The following MTARC2 variants were observed in gnomAD, a reference collection of about 807,000 sequenced individuals.
MTARC2 encodes MOCO sulphurase C-terminal domain containing 2.
MTARC2 carries 27 observed loss-of-function variants against 35.6 expected under a neutral mutation model. The ratio of observed to expected loss-of-function variants is 0.76; its 90% CI spans 0.56 to 1.04. The LOEUF is 1.04. Ranked by LOEUF, MTARC2 falls within the 50% of genes least tolerant of loss-of-function variation. MTARC2 has a pLI of 0.00. For synonymous variants in MTARC2, 158 were observed against 167.1 expected (o/e 0.95, Z 0.42); for missense variants, 412 against 432.5 (o/e 0.95, Z 0.42).
intron 2 of MTARC2, among the ~76,000 whole-genome samples, chr1:220,757,561 A>G (rs984043944): frequency 5.3e-5 from 8 of 152,210 alleles, no homozygotes; most frequent in Admixed American, 3.3e-4. Flanking sequence ...TGGGAAGTCT[A>G]AGATCGAGGT....
chr1:220,757,264 T>C (rs1671305550), intron 2 of MTARC2, among the ~76,000 whole-genome samples: 1 of 152,196 alleles, frequency 6.6e-6, no homozygotes, highest in South Asian at 2.1e-4. Flanking sequence ...GAGGTGGGAA[T>C]AGAGAGCCTG....
Position 220,762,958 on chromosome 1 carries a change from C to G in MTARC2, c.658C>G (p.Leu220Val). The change falls in exon 4 of 8, where the codon CTG becomes GTG. Residue 220 changes from leucine (L) to valine (V), a missense_variant. Leu to Val is a conservative substitution (Grantham distance 32). Transcript: ENST00000366913. ...GCTCCTGATCATGACAGATGCCTCC[C>G]TGGTAGATTTGAATACCAGGATGGA... ...CPLLIMTDAS[L>V]VDLNTRMEKK... The G allele has an allele frequency of 6.2e-7, 1 of 1,614,122 alleles. No individual in the cohort carries two copies. The highest frequency in any genetic ancestry group is 1.1e-5 in the South Asian group (1 of 91,064).
intron 4 of MTARC2, 160 bp from the exon 5 acceptor site, chr1:220,779,858 T>C: frequency 3.9e-6 from 2 of 514,970 alleles, no homozygotes; most frequent in Non-Finnish European, 6.6e-6. Flanking sequence ...CTTGCCAGCA[T>C]TCTGCCTCCC....
At chr1:220,762,339 A>G (rs1671461723) in intron 3 of MTARC2, among the ~76,000 whole-genome samples, 1 of 152,184 alleles carries the variant, frequency 6.6e-6, no homozygotes, top group Non-Finnish European at 1.5e-5. Context: ...GCCGACATGT[A>G]CGATGGTTTA....
At chr1:220,773,753 CAAA>C (rs924976581) in intron 4 of MTARC2, among the ~76,000 whole-genome samples, 1 of 151,688 alleles carries the variant, frequency 6.6e-6, no homozygotes, top group Admixed American at 6.6e-5. Flanking sequence ...ACTATCTAGA[CAAA>C]AATTATTTTT....
In MTARC2 at chr1:220,755,026, T is replaced by C; in HGVS notation, c.352T>C (p.Tyr118His). ...TCGCCTCGTGCTCATCTCCATCATT[T>C]ATGAGAATAACTGCCTGATCTTCAG... Reference protein sequence around the residue: ...EPRLVLISIIYENNCLIFRAP... With the variant: ...EPRLVLISIIHENNCLIFRAP... Residue 118 changes from tyrosine to histidine, a missense_variant, in exon 2 of 8, where the codon TAT becomes CAT. Tyr to His is a moderately conservative substitution (Grantham distance 83). Transcript: ENST00000366913. The C allele has an allele frequency of 6.2e-7, 1 of 1,613,376 alleles. No individual in the cohort carries two copies. The highest frequency in any genetic ancestry group is 8.5e-7 in the Non-Finnish European group (1 of 1,179,688).
chr1:220,752,686 A>G (rs1317488787), intron 1 of MTARC2, among the ~76,000 whole-genome samples: 1 of 152,006 alleles, frequency 6.6e-6, no homozygotes, highest in Non-Finnish European at 1.5e-5. Flanking sequence ...ATCTCTACAA[A>G]AAATAAAAAG....
chr1:220,784,449 T>C lies in MTARC2; in HGVS notation c.*562T>C, dbSNP rs1672161283. 1 of 157,604 alleles carries C rather than the reference T, an allele frequency of 6.3e-6. No individual in the cohort carries two copies. Among genetic ancestry groups the C allele is most frequent in the Non-Finnish European group, 1.4e-5 (1 of 71,650 alleles). 9.8% of individuals were successfully genotyped at this position (157,604 alleles called of 1,614,324 possible). Reference sequence around the variant, plus strand: ...TGCTTTTTACTCTAGCATTATGGAATCTGGGCTGTACTTGAGTATGGAAAT... The same window carrying C: ...TGCTTTTTACTCTAGCATTATGGAACCTGGGCTGTACTTGAGTATGGAAAT... On this transcript the variant is annotated 3_prime_UTR_variant, in exon 8 of 8. Transcript: ENST00000366913.
intron 2 of MTARC2, among the ~76,000 whole-genome samples, chr1:220,755,436 G>T (rs995555478): frequency 2.0e-5 from 3 of 152,214 alleles, no homozygotes; most frequent in South Asian, 2.1e-4. Context: ...AAGGCCAAGT[G>T]GGGGAGTACC....
chr1:220,751,563 C>G (rs1288345896), intron 1 of MTARC2, among the ~76,000 whole-genome samples: 2 of 152,324 alleles, frequency 1.3e-5, no homozygotes, highest in East Asian at 3.9e-4. Context: ...TTTTTCTCCT[C>G]CCACACTCAG....
intron 4 of MTARC2, among the ~76,000 whole-genome samples, chr1:220,772,710 G>T (rs527817644): frequency 6.6e-6 from 1 of 152,034 alleles, no homozygotes; most frequent in African/African-American, 2.4e-5. Context: ...TTGTGTGTGT[G>T]TGTGTGTGTT....
Position 220,762,945 on chromosome 1 carries a change from G to C in MTARC2, c.645G>C (p.Met215Ile). The C allele has an allele frequency of 6.2e-7, 1 of 1,614,210 alleles. No individual in the cohort carries two copies. ...CAGACTACTGCCCGCTCCTGATCAT[G>C]ACAGATGCCTCCCTGGTAGATTTGA... ...AYPDYCPLLI[M>I]TDASLVDLNT... is the part of the protein sequence containing the mutation. Residue 215 changes from methionine (M) to isoleucine (I), a missense_variant, in exon 4 of 8, where the codon ATG becomes ATC. Met to Ile is a conservative substitution (Grantham distance 10). Transcript: ENST00000366913.
intron 2 of MTARC2, among the ~76,000 whole-genome samples, chr1:220,757,902 G>T (rs1286240033): frequency 2.0e-5 from 3 of 152,200 alleles, no homozygotes. Flanking sequence ...CCTCAAGTTA[G>T]TAAAAAGAAA....
chr1:220,765,298 A>G (rs1671552017), intron 4 of MTARC2, among the ~76,000 whole-genome samples: 1 of 152,072 alleles, frequency 6.6e-6, no homozygotes, highest in Non-Finnish European at 1.5e-5. Flanking sequence ...TCACAGGAGC[A>G]TGGGGGTAAA....
chr1:220,769,934 C>CAAAAAAAAAAAAAAAAAAAAAAA (rs57739324), intron 4 of MTARC2, among the ~76,000 whole-genome samples: 3 of 63,414 alleles, frequency 4.7e-5, no homozygotes, highest in Admixed American at 2.4e-4. Context: ...ACTAAAAATA[C>CAAAAAAAAAAAAAAAAAAAAAAA]AAAAAAAAAA....
intron 4 of MTARC2, among the ~76,000 whole-genome samples, chr1:220,775,253 G>A (rs1192993530): frequency 6.7e-6 from 1 of 149,568 alleles, no homozygotes; most frequent in African/African-American, 2.5e-5. Context: ...TTCATTCATA[G>A]CAAATCCTCA....
intron 4 of MTARC2, among the ~76,000 whole-genome samples, chr1:220,774,105 G>A (rs1182066518): frequency 3.4e-5 from 5 of 149,104 alleles, no homozygotes; most frequent in South Asian, 4.2e-4. Flanking sequence ...TCACCCTGTC[G>A]CCCATGCTGG....
chr1:220,766,989 A>AAATT (rs1030804167), intron 4 of MTARC2, among the ~76,000 whole-genome samples: 5 of 152,000 alleles, frequency 3.3e-5, no homozygotes, highest in Non-Finnish European at 7.4e-5. Context: ...AAAAAAAAAA[A>AAATT]AATTAATTAA....
At chr1:220,757,111 A>G (rs1671301049) in intron 2 of MTARC2, among the ~76,000 whole-genome samples, 1 of 152,246 alleles carries the variant, frequency 6.6e-6, no homozygotes, top group African/African-American at 2.4e-5. Flanking sequence ...CATGTTGGCC[A>G]GGCTGGTTTC....
Sources: allele counts gnomAD v4.1 joint callset (sites outside exome capture counted in the v4.1 genomes callset), GRCh38; gene constraint gnomAD v4.1.1; transcripts MANE v1.5; gene names NCBI Gene and HGNC (gene_info 2026-07-23, HGNC 2026-07-21).